Variants in SLC14A1 observed in about 807,000 individuals in gnomAD.
SLC14A1 encodes the protein urea transporter 1.
Under a neutral mutation model 39.6 loss-of-function variants are expected in SLC14A1, and 36 were observed. The ratio of observed to expected loss-of-function variants is 0.91; its 90% CI spans 0.70 to 1.20. The LOEUF is 1.20. SLC14A1 is among the 50% of genes most tolerant of loss of function. The pLI is 0.00. For missense variants in SLC14A1, 469 were observed against 478.7 expected (o/e 0.98, Z 0.19); for synonymous variants, 164 against 173.6 (o/e 0.94, Z 0.43).
At chr18:45,742,227 G>A (rs977824142) in intron 8 of SLC14A1, among the ~76,000 whole-genome samples, 13 of 152,130 alleles carry the variant, frequency 8.5e-5, no homozygotes, top group South Asian at 2.1e-4. Context: ...GGTGGAAAGT[G>A]TGGTGCAGGC....
rs879414917 is a variant in SLC14A1 at position 45,750,296 on chromosome 18, C to T, written c.*345C>T. 23 of 1,193,134 alleles carry T rather than the reference C, an allele frequency of 1.9e-5. No individual in the cohort carries two copies. The East Asian group carries it at 4.7e-4, about 24-fold the overall frequency. The allele number at this position is 1,193,134 out of a possible 1,614,324, so 73.9% of individuals were successfully genotyped here. A position where few individuals can be genotyped will look rare whatever the true frequency, so the allele number is the denominator to read the frequency against. On this transcript the variant is annotated 3_prime_UTR_variant, in exon 10 of 10. Coordinates refer to ENST00000321925, the MANE Select transcript of SLC14A1 (RefSeq NM_015865.7). The stretch of plus-strand genomic sequence containing the variant: ...TGATATTCTTGGTGTTTAGCTGGCT[C>T]GATGATGTTAACAGTATTAAAAATT...
rs3178156 is a variant in SLC14A1, at chr18:45,752,515, A to C, written c.*2564A>C. 70,620 of 152,324 alleles carry C rather than the reference A, an allele frequency of 0.46. 17,444 individuals are homozygous for C. Among genetic ancestry groups the C allele is most frequent in the Non-Finnish European group, 0.56 (37,959 of 68,142 alleles). The allele number at this position is 152,324 out of a possible 1,614,324, so 9.4% of individuals were successfully genotyped here. A position where few individuals can be genotyped will look rare whatever the true frequency, so the allele number is the denominator to read the frequency against. Reference sequence around the variant, plus strand: ...AAGTACATGAATAAATTATGCTCACAGCTCAGTTTTGTATAATGTGCCATT... The same window carrying C: ...AAGTACATGAATAAATTATGCTCACCGCTCAGTTTTGTATAATGTGCCATT... On this transcript the variant is annotated 3_prime_UTR_variant, in exon 10 of 10. Transcript: ENST00000321925.
chr18:45,730,427 G>C lies in SLC14A1; in HGVS notation c.107G>C (p.Gly36Ala), dbSNP rs989236515. Residue 36 changes from glycine (G) to alanine (A), a missense_variant, in exon 3 of 10, where the codon GGC becomes GCC. Gly to Ala is a moderately conservative substitution (Grantham distance 60). Transcript: ENST00000321925. ...AGAAGGTGCTTCCCCAAAGCTCTTG[G>C]CTATGTCACCGGTGACATGAAAGAA... ...QGRRCFPKAL[G>A]YVTGDMKELA... 1.2e-6 allele frequency: 2 copies of C among 1,614,174 alleles called. No homozygotes were observed. Among genetic ancestry groups the C allele is most frequent in the Non-Finnish European group, 1.7e-6 (2 of 1,180,030 alleles).
chr18:45,746,536 C>T (rs1456747541), intron 8 of SLC14A1, among the ~76,000 whole-genome samples: 1 of 152,104 alleles, frequency 6.6e-6, no homozygotes, highest in Non-Finnish European at 1.5e-5. Flanking sequence ...AGCAACAAGG[C>T]CTCATGTGCT....
chr18:45,724,721 G>GGCCA (rs2046816576), intron 1 of SLC14A1, among the ~76,000 whole-genome samples: 1 of 152,226 alleles, frequency 6.6e-6, no homozygotes, highest in African/African-American at 2.4e-5. Flanking sequence ...TCCAGTGATG[G>GGCCA]ATTTATGGAC....
rs904611541 is a variant in SLC14A1 at position 45,750,229 on chromosome 18, T to C, written c.*278T>C. 26 of 1,360,790 alleles carry C rather than the reference T, an allele frequency of 1.9e-5. No homozygotes were observed. In the South Asian group the frequency reaches 3.5e-4, roughly 18 times the overall value. The allele number at this position is 1,360,790 out of a possible 1,614,324, so 84.3% of individuals were successfully genotyped here. A position where few individuals can be genotyped will look rare whatever the true frequency, so the allele number is the denominator to read the frequency against. ...TGGAATGTATATAAAGTCAAAGTGCTCCAACAGAAGGAGGAAGTGAAAACA... is the reference window on the plus strand; with the variant it reads ...TGGAATGTATATAAAGTCAAAGTGCCCCAACAGAAGGAGGAAGTGAAAACA... On this transcript the variant is annotated 3_prime_UTR_variant, in exon 10 of 10. Coordinates refer to ENST00000321925, the MANE Select transcript of SLC14A1 (RefSeq NM_015865.7).
At chr18:45,740,543 AG>A (rs2047340973) in intron 8 of SLC14A1, among the ~76,000 whole-genome samples, 1 of 151,248 alleles carries the variant, frequency 6.6e-6, no homozygotes, top group Admixed American at 6.6e-5. Flanking sequence ...AAAAGAGAAA[AG>A]AAAAAAAAAG....
Position 45,752,094 on chromosome 18 carries a change from T to C in SLC14A1, c.*2143T>C, listed in dbSNP as rs2047726297. ...CCAGTGACCAAAGCCTTTGGAACTATGAATTTGCAACTGTCATAGGTTTAT... is the reference window on the plus strand; with the variant it reads ...CCAGTGACCAAAGCCTTTGGAACTACGAATTTGCAACTGTCATAGGTTTAT... On this transcript the variant is annotated 3_prime_UTR_variant, in exon 10 of 10. Coordinates refer to ENST00000321925, the MANE Select transcript of SLC14A1 (RefSeq NM_015865.7). 2.0e-6 allele frequency: 2 copies of C among 985,312 alleles called. No homozygotes were observed. The highest frequency in any genetic ancestry group is 6.1e-5 in the Admixed American group (1 of 16,268). The allele number at this position is 985,312 out of a possible 1,614,324, so 61.0% of individuals were successfully genotyped here.
chr18:45,750,530 T>C lies in SLC14A1; in HGVS notation c.*579T>C. On this transcript the variant is annotated 3_prime_UTR_variant, in exon 10 of 10. Coordinates refer to ENST00000321925, the MANE Select transcript of SLC14A1 (RefSeq NM_015865.7). Reference sequence around the variant, plus strand: ...TGGCCTGCACCCTATCCCTTGTGTGTGTGACATTCTCTCATGGGACAATGT... The same window carrying C: ...TGGCCTGCACCCTATCCCTTGTGTGCGTGACATTCTCTCATGGGACAATGT... The C allele has an allele frequency of 1.0e-6, 1 of 992,436 alleles. No individual in the cohort carries two copies. 61.5% of individuals were successfully genotyped at this position (992,436 alleles called of 1,614,324 possible).
At chr18:45,735,396 G>A (rs1024531725) in intron 5 of SLC14A1, among the ~76,000 whole-genome samples, 5 of 152,226 alleles carry the variant, frequency 3.3e-5, no homozygotes, top group Middle Eastern at 3.4e-3. Context: ...CTGTGCCTAC[G>A]TGAATTCCCC....
intron 8 of SLC14A1, among the ~76,000 whole-genome samples, chr18:45,746,555 G>C (rs953889598): frequency 6.6e-6 from 1 of 152,180 alleles, no homozygotes; most frequent in Non-Finnish European, 1.5e-5. Context: ...CTCAGGGGTG[G>C]TGTTGTGGTA....
intron 8 of SLC14A1, among the ~76,000 whole-genome samples, chr18:45,740,906 T>G (rs1357209960): frequency 1.3e-5 from 2 of 152,182 alleles, no homozygotes; most frequent in Non-Finnish European, 2.9e-5. Context: ...TTTCAAGAAC[T>G]GCTGTATTAA....
intron 2 of SLC14A1, chr18:45,729,425 A>G (rs949178752): frequency 6.6e-6 from 1 of 152,194 alleles, no homozygotes; most frequent in African/African-American, 2.4e-5. Flanking sequence ...TCTTGCAGCT[A>G]CTTATCATGA....
chr18:45,728,943 T>C (rs751297858), intron 2 of SLC14A1: 9 of 152,252 alleles, frequency 5.9e-5, no homozygotes, highest in Non-Finnish European at 1.2e-4. Context: ...CAGTTACCCA[T>C]ATTGATTTCT....
Position 45,751,765 on chromosome 18 carries a change from G to A in SLC14A1, c.*1814G>A, listed in dbSNP as rs1238427346. ...TCACTGCACTCCAGCCTGTGTGACC[G>A]AGCAAGACCCTATCTCAAAAAAATT... On this transcript the variant is annotated 3_prime_UTR_variant, in exon 10 of 10. Coordinates refer to ENST00000321925, the MANE Select transcript of SLC14A1 (RefSeq NM_015865.7). 6 of 755,108 alleles carry A rather than the reference G, an allele frequency of 7.9e-6. No individual in the cohort carries two copies. Among genetic ancestry groups the A allele is most frequent in the Non-Finnish European group, 9.7e-6 (6 of 621,400 alleles). 46.8% of individuals were successfully genotyped at this position (755,108 alleles called of 1,614,324 possible).
At position 45,751,933 on chromosome 18, in the gene SLC14A1, T is replaced by C. The variant is rs1456253290; in HGVS notation, c.*1982T>C. The C allele has an allele frequency of 5.1e-6, 5 of 985,164 alleles. No homozygotes were observed. In the East Asian group the frequency reaches 4.5e-4, roughly 89 times the overall value. 61.0% of individuals were successfully genotyped at this position (985,164 alleles called of 1,614,324 possible). A position where few individuals can be genotyped will look rare whatever the true frequency, so the allele number is the denominator to read the frequency against. On this transcript the variant is annotated 3_prime_UTR_variant, in exon 10 of 10. Coordinates refer to ENST00000321925, the MANE Select transcript of SLC14A1 (RefSeq NM_015865.7). ...TTTTTCCACTTCTAGTTTGCAGTGC[T>C]CAGTGCACAATATACATTTTGCTGA...
chr18:45,750,060 A>T lies in SLC14A1; in HGVS notation c.*109A>T. The T allele has an allele frequency of 6.2e-7, 1 of 1,605,328 alleles. No homozygotes were observed. Among genetic ancestry groups the T allele is most frequent in the Non-Finnish European group, 8.5e-7 (1 of 1,178,942 alleles). On this transcript the variant is annotated 3_prime_UTR_variant, in exon 10 of 10. Coordinates refer to ENST00000321925, the MANE Select transcript of SLC14A1 (RefSeq NM_015865.7). ...GTTTTTCACGAGTATCAACTTTCAT[A>T]CTGACGCGTCTGTAATCTGTTCTTA...
intron 2 of SLC14A1, among the ~76,000 whole-genome samples, chr18:45,727,770 C>T (rs1568029518): frequency 6.6e-6 from 1 of 152,222 alleles, no homozygotes; most frequent in Non-Finnish European, 1.5e-5. Flanking sequence ...GCAGAAGGTC[C>T]TGGCTGCATA....
In SLC14A1 at chr18:45,730,469, A is replaced by G; in HGVS notation, c.149A>G (p.Lys50Arg). 2.5e-6 allele frequency: 4 copies of G among 1,614,178 alleles called. No homozygotes were observed. Among genetic ancestry groups the G allele is most frequent in the Non-Finnish European group, 3.4e-6 (4 of 1,180,018 alleles). ...GDMKELANQL[K>R]DKPVVLQFID... ...ATGAAAGAACTTGCCAACCAGCTTA[A>G]AGGTATTTATCCTTTCACATTTTGG... The change falls in exon 3 of 10, where the codon AAA becomes AGA. Residue 50 changes from lysine to arginine, a missense_variant and splice_region_variant. Transcript: ENST00000321925.
Sources: gnomAD v4.1 joint callset for allele counts (sites outside exome capture counted in the v4.1 genomes callset) on GRCh38, gnomAD v4.1.1 for gene constraint, MANE v1.5 for transcripts, NCBI Gene and HGNC (gene_info 2026-07-23, HGNC 2026-07-21) for gene names.